PCDHGA4: variants seen among roughly 807,000 people sequenced by gnomAD.
PCDHGA4 encodes the protein protocadherin gamma subfamily A, 4.
In PCDHGA4, 38 loss-of-function variants were observed where a neutral mutation model predicts 54.6. The ratio of observed to expected loss-of-function variants is 0.70; its 90% CI spans 0.54 to 0.91. The LOEUF (loss-of-function observed/expected upper bound fraction) is 0.91, where lower values mean the gene tolerates loss of function less well. PCDHGA4 is among the 40% of genes least tolerant of loss of function. The pLI is 0.00. For synonymous variants in PCDHGA4, 511 were observed against 512.9 expected (o/e 1.00, Z 0.05); for missense variants, 1,298 against 1,220.9 (o/e 1.06, Z -0.94).
rs1054594374 is a variant in PCDHGA4 at position 141,489,607 on chromosome 5, A to G, written c.2515-5200A>G. On this transcript the variant is annotated intron_variant, in intron 1 of 3. Coordinates refer to ENST00000571252, the MANE Select transcript of PCDHGA4 (RefSeq NM_018917.4). This position sits in a 1 kb window ranked among gnomAD's most constrained non-coding sequence, Gnocchi z 4.5. ...GGAGCTAATCCGTGTAGAGGTAGAG[A>G]TCCTGGATCTCAATGACAACTCTCC... The G allele has an allele frequency of 6.2e-6, 10 of 1,613,850 alleles. No homozygotes were observed. The highest frequency in any genetic ancestry group is 8.5e-6 in the Non-Finnish European group (10 of 1,179,956).
At chr5:141,417,882 G>A (rs1170069976) in intron 1 of PCDHGA4, 8 of 1,560,746 alleles carry the variant, frequency 5.1e-6, no homozygotes, top group African/African-American at 1.4e-5. Flanking sequence ...TGCGCGCAGA[G>A]GCGCCGGGCC....
chr5:141,485,935 C>A lies in PCDHGA4; in HGVS notation c.2515-8872C>A. The stretch of plus-strand genomic sequence containing the variant: ...GCTACAGGATTAGTGTGTTGGAGAG[C>A]GCACCAGCGGGCATGGTGCTCATCC... On this transcript the variant is annotated intron_variant, in intron 1 of 3. Coordinates refer to ENST00000571252, the MANE Select transcript of PCDHGA4 (RefSeq NM_018917.4). This position sits in a 1 kb window ranked among gnomAD's most constrained non-coding sequence, Gnocchi z 5.7. The A allele has an allele frequency of 3.1e-6, 5 of 1,614,144 alleles. No homozygotes were observed. Among genetic ancestry groups the A allele is most frequent in the Non-Finnish European group, 3.4e-6 (4 of 1,180,030 alleles).
At chr5:141,372,309 C>A in intron 1 of PCDHGA4, 1 of 1,613,518 alleles carries the variant, frequency 6.2e-7, no homozygotes, top group Non-Finnish European at 8.5e-7. Flanking sequence ...GGAGGCCGCC[C>A]GCCAGCGCCT....
rs1561507721 is a variant in PCDHGA4 at position 141,355,098 on chromosome 5, C to T, written c.-10C>T. 3.1e-5 allele frequency: 46 copies of T among 1,495,826 alleles called. No individual in the cohort carries two copies. The highest frequency in any genetic ancestry group is 4.1e-5 in the Non-Finnish European group (46 of 1,122,688). 92.7% of individuals were successfully genotyped at this position (1,495,826 alleles called of 1,614,324 possible). On this transcript the variant is annotated 5_prime_UTR_variant, in exon 1 of 4. Coordinates refer to ENST00000571252, the MANE Select transcript of PCDHGA4 (RefSeq NM_018917.4). ...GCTTCAAGCGGAAGCCCTGAGAGCT[C>T]TGGCTGTGAATGCACTTTATTTTGG...
Position 141,356,110 on chromosome 5 carries a change from T to A in PCDHGA4, c.1003T>A (p.Leu335Met), listed in dbSNP as rs1251778945. The change falls in exon 1 of 4, where the codon TTG becomes ATG. Residue 335 changes from leucine to methionine, a missense_variant. Physicochemically the swap from Leu to Met is conservative, Grantham distance 15. Coordinates refer to ENST00000571252, the MANE Select transcript of PCDHGA4 (RefSeq NM_018917.4). ...LNSLSGDITILGGLDYEDSGF... is the reference protein window; with the variant it reads ...LNSLSGDITIMGGLDYEDSGF... ...TTCTCTGAGTGGGGATATAACAATATTGGGGGGTCTAGATTATGAGGACTC... is the reference window on the plus strand; with the variant it reads ...TTCTCTGAGTGGGGATATAACAATAATGGGGGGTCTAGATTATGAGGACTC... 6.2e-7 allele frequency: 1 copy of A among 1,613,716 alleles called. No individual in the cohort carries two copies. The highest frequency in any genetic ancestry group is 2.2e-5 in the East Asian group (1 of 44,890).
Position 141,491,757 on chromosome 5 carries a change from C to G in PCDHGA4, c.2515-3050C>G. ...CTGGGGGCGGCACTGGAGAAGCCGC[C>G]CGTCCTCATAAGGGATTGAACTTGC... On this transcript the variant is annotated intron_variant, in intron 1 of 3. Coordinates refer to ENST00000571252, the MANE Select transcript of PCDHGA4 (RefSeq NM_018917.4). This position sits in a 1 kb window ranked among gnomAD's most constrained non-coding sequence, Gnocchi z 6.9. 1 of 1,580,374 alleles carries G rather than the reference C, an allele frequency of 6.3e-7. No individual in the cohort carries two copies. The highest frequency in any genetic ancestry group is 1.9e-5 in the Admixed American group (1 of 53,534).
chr5:141,423,338 T>A, intron 1 of PCDHGA4: 1 of 1,614,150 alleles, frequency 6.2e-7, no homozygotes, highest in Middle Eastern at 1.6e-4. Flanking sequence ...GTCTCCTGCA[T>A]CTTCCTGGTC....
intron 1 of PCDHGA4, chr5:141,366,064 G>T (rs761173450): frequency 5.5e-5 from 88 of 1,614,106 alleles, no homozygotes; most frequent in Middle Eastern, 1.6e-4. Context: ...TGGAGCTGGC[G>T]CCTCGCTCCG....
intron 1 of PCDHGA4, chr5:141,390,762 C>T (rs2092226751): frequency 6.0e-6 from 1 of 166,616 alleles, no homozygotes; most frequent in African/African-American, 2.4e-5. Context: ...GTTTTGTTTC[C>T]TGTGTTAACT....
At chr5:141,506,084 C>T (rs1426222889) in intron 3 of PCDHGA4, among the ~76,000 whole-genome samples, 8 of 152,068 alleles carry the variant, frequency 5.3e-5, no homozygotes, top group African/African-American at 1.9e-4. Flanking sequence ...AATAGAGATT[C>T]GGCTAGTGGT....
At chr5:141,424,841 C>A (rs1303241053) in intron 1 of PCDHGA4, among the ~76,000 whole-genome samples, 1 of 152,126 alleles carries the variant, frequency 6.6e-6, no homozygotes. Context: ...TACATGTTAT[C>A]TGAAGCAATG....
intron 3 of PCDHGA4, 146 bp from the exon 4 acceptor site, chr5:141,510,801 A>G: frequency 6.7e-7 from 1 of 1,489,832 alleles, no homozygotes; most frequent in Non-Finnish European, 9.1e-7. Flanking sequence ...AAGAGAGACT[A>G]CCTTGGTGAC....
At chr5:141,400,440 A>G (rs1351638844) in intron 1 of PCDHGA4, 2 of 1,614,094 alleles carry the variant, frequency 1.2e-6, no homozygotes, top group Non-Finnish European at 1.7e-6. Context: ...AATTGAGTTC[A>G]GGACAAGACA....
chr5:141,493,021 G>C lies in PCDHGA4; in HGVS notation c.2515-1786G>C, dbSNP rs1261539371. On this transcript the variant is annotated intron_variant, in intron 1 of 3. Transcript: ENST00000571252. This position sits in a 1 kb window ranked among gnomAD's most constrained non-coding sequence, Gnocchi z 4.3. ...AGCTATAGGCTCTGCCAGATGCCAG[G>C]GTGCCCTTATGTGTGAGGAAACTAC... Among the ~76,000 whole-genome samples, 1 of 152,180 alleles carries C rather than the reference G, an allele frequency of 6.6e-6. No individual in the cohort carries two copies. The highest frequency in any genetic ancestry group is 6.5e-5 in the Admixed American group (1 of 15,284).
intron 1 of PCDHGA4, among the ~76,000 whole-genome samples, chr5:141,443,179 A>G (rs2098370392): frequency 6.6e-6 from 1 of 152,190 alleles, no homozygotes; most frequent in South Asian, 2.1e-4. Flanking sequence ...TGTCCACTGC[A>G]TCATTCTCTA....
intron 1 of PCDHGA4, chr5:141,370,515 C>T (rs570951423): frequency 6.2e-7 from 1 of 1,613,860 alleles, no homozygotes; most frequent in South Asian, 1.1e-5. Context: ...TCCCGAGGAG[C>T]TGGACAGGGG....
intron 1 of PCDHGA4, among the ~76,000 whole-genome samples, chr5:141,407,044 A>G (rs972892343): frequency 6.6e-6 from 1 of 152,246 alleles, no homozygotes; most frequent in African/African-American, 2.4e-5. Flanking sequence ...TGTGATCCAT[A>G]GATACACTGA....
chr5:141,413,140 A>T (rs2095607783), intron 1 of PCDHGA4: 1 of 1,563,150 alleles, frequency 6.4e-7, no homozygotes, highest in Non-Finnish European at 8.7e-7. Flanking sequence ...CAACGTGTCC[A>T]GTGAGGACTT....
At chr5:141,439,472 A>G (rs1185561573) in intron 1 of PCDHGA4, among the ~76,000 whole-genome samples, 3 of 152,228 alleles carry the variant, frequency 2.0e-5, no homozygotes, top group Non-Finnish European at 4.4e-5. Flanking sequence ...GCTGCCTTTC[A>G]GCTTGCAAAT....
Sources: allele counts gnomAD v4.1 joint callset (sites outside exome capture counted in the v4.1 genomes callset), GRCh38; gene constraint gnomAD v4.1.1; non-coding constraint Gnocchi (gnomAD v3.1); transcripts MANE v1.5; gene names NCBI Gene and HGNC (gene_info 2026-07-23, HGNC 2026-07-21).